The following ABCB11 variants were observed in gnomAD, a reference collection of about 807,000 sequenced individuals.
ABCB11 encodes the protein ATP binding cassette subfamily B member 11.
ABCB11 carries 95 observed loss-of-function variants against 148.0 expected under a neutral mutation model. The observed-to-expected ratio is 0.64, with a 90% CI of 0.54 to 0.76. The LOEUF (loss-of-function observed/expected upper bound fraction) is 0.76, where lower values mean the gene tolerates loss of function less well. Ranked by LOEUF, ABCB11 falls within the 30% of genes least tolerant of loss-of-function variation. ABCB11 has a pLI of 0.00. For synonymous variants in ABCB11, 591 were observed against 555.4 expected (o/e 1.06, Z -0.90); for missense variants, 1,523 against 1,617.8 (o/e 0.94, Z 1.01).
In ABCB11 at chr2:169,029,789, G is replaced by A. The variant is rs1365382377; in HGVS notation, c.-28+1436C>T. Among the ~76,000 whole-genome samples the A allele has an allele frequency of 9.1e-5, 10 of 110,322 alleles. No individual in the cohort carries two copies. In the South Asian group the frequency reaches 1.8e-3, roughly 20 times the overall value. 72.4% of individuals were successfully genotyped at this position (110,322 alleles called of 152,430 possible). On this transcript the variant is annotated intron_variant, in intron 1 of 27. Coordinates refer to ENST00000650372, the MANE Select transcript of ABCB11 (RefSeq NM_003742.4). ...CGCTCTGTCGCCCAGGCCGGACTGC[G>A]GACTGCAGTGGCGCAATCTCGGCTC... is the stretch of plus-strand genomic sequence containing the variant.
rs372475029 is a variant in ABCB11 at position 168,927,128 on chromosome 2, T to C, written c.3618+28A>G. ...TACTTCTCCCCATCCTTGTCTCTCA[T>C]AGGGAATGGCTCTGACTTCGTACTC... On this transcript the variant is annotated intron_variant, in intron 26 of 27. Transcript: ENST00000650372. 2.0e-5 allele frequency: 32 copies of C among 1,583,664 alleles called. 1 individual carries two copies. The African/African-American group carries it at 3.0e-4, about 15-fold the overall frequency.
At chr2:168,932,341 T>A in intron 24 of ABCB11, 36 bp downstream of exon 24, 2 of 1,530,344 alleles carry the variant, frequency 1.3e-6, no homozygotes, top group Non-Finnish European at 1.8e-6. Context: ...CATGAACTCA[T>A]CCTTTTTTAT....
intron 10 of ABCB11, among the ~76,000 whole-genome samples, chr2:168,981,413 T>G (rs1694133257): frequency 6.6e-6 from 1 of 152,182 alleles, no homozygotes; most frequent in Non-Finnish European, 1.5e-5. Flanking sequence ...TTATGTAATC[T>G]TTCAAGCCCC....
intron 27 of ABCB11, among the ~76,000 whole-genome samples, chr2:168,924,073 A>G (rs770908043): frequency 6.6e-6 from 1 of 152,240 alleles, no homozygotes; most frequent in Non-Finnish European, 1.5e-5. Flanking sequence ...ACATAATTTT[A>G]CAATATTTGA....
chr2:168,993,328 T>G (rs1694602902), intron 8 of ABCB11, among the ~76,000 whole-genome samples: 1 of 152,048 alleles, frequency 6.6e-6, no homozygotes, highest in African/African-American at 2.4e-5. Context: ...AATCCTACTC[T>G]GCCAGCTGTG....
intron 21 of ABCB11, 35 bp downstream of exon 21, chr2:168,944,570 G>A (rs199760469): frequency 2.2e-5 from 34 of 1,554,660 alleles, no homozygotes; most frequent in Non-Finnish European, 2.9e-5. Flanking sequence ...TGCCAATGCA[G>A]TTAATATACT....
chr2:169,005,643 G>A (rs1397290818), intron 5 of ABCB11, among the ~76,000 whole-genome samples: 2 of 152,086 alleles, frequency 1.3e-5, no homozygotes, highest in Non-Finnish European at 2.9e-5. Flanking sequence ...CATTGAGAAA[G>A]CAAGCGGACA....
At chr2:168,930,201 T>C (rs1691504871) in intron 25 of ABCB11, among the ~76,000 whole-genome samples, 2 of 152,226 alleles carry the variant, frequency 1.3e-5, no homozygotes, top group Non-Finnish European at 2.9e-5. Context: ...TGGCTCTCAA[T>C]CTGAGTTCCT....
At chr2:169,009,144 G>A (rs932283795) in intron 5 of ABCB11, among the ~76,000 whole-genome samples, 2 of 152,144 alleles carry the variant, frequency 1.3e-5, no homozygotes, top group Non-Finnish European at 1.5e-5. Flanking sequence ...AGTGATGGCC[G>A]AGGGGCAAGG....
At chr2:168,955,647 T>C (rs759703197) in intron 19 of ABCB11, among the ~76,000 whole-genome samples, 1 of 151,444 alleles carries the variant, frequency 6.6e-6, no homozygotes, top group Non-Finnish European at 1.5e-5. Context: ...CCCTGACCCC[T>C]CCAAAAACTC....
At chr2:168,994,777 G>A (rs1040599092) in intron 7 of ABCB11, among the ~76,000 whole-genome samples, 7 of 151,956 alleles carry the variant, frequency 4.6e-5, no homozygotes, top group Non-Finnish European at 8.8e-5. Flanking sequence ...AAGAGAGCTT[G>A]GAACTAAACA....
rs1279628184 is a variant in ABCB11 at position 169,014,213 on chromosome 2, C to T, written c.150+90G>A. 6.1e-6 allele frequency: 8 copies of T among 1,307,466 alleles called. No individual in the cohort carries two copies. In the African/African-American group the frequency reaches 1.0e-4, roughly 17 times the overall value. The allele number at this position is 1,307,466 out of a possible 1,614,324, so 81.0% of individuals were successfully genotyped here. On this transcript the variant is annotated intron_variant, in intron 4 of 27. Transcript: ENST00000650372. ...AGTGATCACTGAAGTTAAAAACCTGCCAATATGACTAAAGATTTAACACTC... is the reference window on the plus strand; with the variant it reads ...AGTGATCACTGAAGTTAAAAACCTGTCAATATGACTAAAGATTTAACACTC...
chr2:169,005,783 A>G (rs1695001288), intron 5 of ABCB11, among the ~76,000 whole-genome samples: 1 of 152,212 alleles, frequency 6.6e-6, no homozygotes, highest in Admixed American at 6.5e-5. Flanking sequence ...CACAATGTAT[A>G]CATATTTCAA....
chr2:168,956,021 A>T (rs191021807), intron 19 of ABCB11, among the ~76,000 whole-genome samples: 1 of 151,792 alleles, frequency 6.6e-6, no homozygotes, highest in East Asian at 2.0e-4. Flanking sequence ...TGAGTAATTT[A>T]TGAAGAAAAA....
At chr2:168,974,004 G>A (rs1035731159) in intron 12 of ABCB11, among the ~76,000 whole-genome samples, 164 bp from the exon 13 acceptor site, 2 of 151,916 alleles carry the variant, frequency 1.3e-5, no homozygotes, top group African/African-American at 4.8e-5. Context: ...ACCAGTAAAA[G>A]GAAACATTGG....
rs1188942997 is a variant in ABCB11, at chr2:168,976,565, A to G, written c.1308+12T>C. ...AAACATTTACTATTCTGGGGAACAG[A>G]CCAGCACTCACCTTCACCTCTGGTC... On this transcript the variant is annotated intron_variant, in intron 12 of 27. Transcript: ENST00000650372. 3.4e-6 allele frequency: 5 copies of G among 1,479,064 alleles called. No homozygotes were observed. Among genetic ancestry groups the G allele is most frequent in the Admixed American group, 1.8e-5 (1 of 57,028 alleles). 91.6% of individuals were successfully genotyped at this position (1,479,064 alleles called of 1,614,324 possible). A position where few individuals can be genotyped will look rare whatever the true frequency, so the allele number is the denominator to read the frequency against.
intron 19 of ABCB11, among the ~76,000 whole-genome samples, chr2:168,957,375 G>T (rs1021457192): frequency 6.6e-6 from 1 of 151,676 alleles, no homozygotes; most frequent in African/African-American, 2.4e-5. Flanking sequence ...CATGTTCATA[G>T]TTATTATGAT....
chr2:168,962,883 G>A (rs1221293899), intron 18 of ABCB11, among the ~76,000 whole-genome samples: 2 of 151,676 alleles, frequency 1.3e-5, no homozygotes, highest in African/African-American at 4.8e-5. Flanking sequence ...GATTCATCCT[G>A]CTGCTCCTGA....
intron 19 of ABCB11, among the ~76,000 whole-genome samples, chr2:168,949,868 C>T (rs1051341074): frequency 6.6e-6 from 1 of 151,414 alleles, no homozygotes; most frequent in Non-Finnish European, 1.5e-5. Context: ...ATTTAATCAG[C>T]TCTCAGTGAA....
Sources: allele counts gnomAD v4.1 joint callset (sites outside exome capture counted in the v4.1 genomes callset), GRCh38; gene constraint gnomAD v4.1.1; transcripts MANE v1.5; gene names NCBI Gene and HGNC (gene_info 2026-07-23, HGNC 2026-07-21).